AGMO: variants seen among roughly 807,000 people sequenced by gnomAD.
AGMO encodes the protein glyceryl-ether monooxygenase.
In AGMO, 75 loss-of-function variants were observed where a neutral mutation model predicts 60.2. The observed-to-expected ratio is 1.25, with a 90% CI of 1.03 to 1.51. The LOEUF is 1.51. Ranked by LOEUF, AGMO falls within the 40% of genes most tolerant of loss-of-function variation. AGMO has a pLI of 0.00. For missense variants in AGMO, 763 were observed against 525.5 expected (o/e 1.45, Z -4.42); for synonymous variants, 261 against 177.1 (o/e 1.47, Z -3.76).
At chr7:15,365,679 G>A (rs900066612) in intron 11 of AGMO, 60 bp from the exon 12 acceptor site, 11 of 1,101,746 alleles carry the variant, frequency 1.0e-5, no homozygotes, top group African/African-American at 9.8e-5. Flanking sequence ...ATGTTCACAT[G>A]TTATAATTAA....
At chr7:15,219,489 G>A (rs775561964) in intron 12 of AGMO, among the ~76,000 whole-genome samples, 1 of 150,960 alleles carries the variant, frequency 6.6e-6, no homozygotes, top group African/African-American at 2.5e-5. Flanking sequence ...AGGAAAAAAA[G>A]ACAATTTTTT....
At chr7:15,333,412 TAACAA>T (rs1380857605) in intron 12 of AGMO, among the ~76,000 whole-genome samples, 1 of 152,046 alleles carries the variant, frequency 6.6e-6, no homozygotes, top group East Asian at 1.9e-4. Flanking sequence ...ATGTGACTTT[TAACAA>T]AACAAACACC....
At chr7:15,507,959 A>AAAAG (rs1430460710) in intron 3 of AGMO, among the ~76,000 whole-genome samples, 1 of 152,044 alleles carries the variant, frequency 6.6e-6, no homozygotes, top group Non-Finnish European at 1.5e-5. Flanking sequence ...GATGACTCTC[A>AAAAG]AGTGCTCACT....
chr7:15,177,107 A>C, the AGMO span, among the ~76,000 whole-genome samples: 1 of 128,912 alleles, frequency 7.8e-6, no homozygotes, highest in Non-Finnish European at 1.9e-5. Flanking sequence ...GGGAGGAAAA[A>C]ACATGATTTA....
the AGMO span, among the ~76,000 whole-genome samples, chr7:15,161,475 A>G: frequency 6.6e-6 from 1 of 151,518 alleles, no homozygotes; most frequent in Non-Finnish European, 1.5e-5. Flanking sequence ...TACACATATA[A>G]GTATATGCTT....
chr7:15,437,546 T>C (rs1485510924), intron 3 of AGMO, among the ~76,000 whole-genome samples: 2 of 148,876 alleles, frequency 1.3e-5, no homozygotes, highest in Admixed American at 1.3e-4. Context: ...TTTTTTTTTT[T>C]TTTTTTGAGA....
intron 12 of AGMO, among the ~76,000 whole-genome samples, chr7:15,354,491 C>CGTGTGT (rs1314637523): frequency 2.9e-4 from 4 of 13,990 alleles, no homozygotes; most frequent in Non-Finnish European, 4.8e-4. Flanking sequence ...TGTATATACA[C>CGTGTGT]ACGTGTATAT....
the AGMO span, among the ~76,000 whole-genome samples, chr7:15,194,883 G>A: frequency 6.6e-6 from 1 of 152,082 alleles, no homozygotes; most frequent in Non-Finnish European, 1.5e-5. Context: ...GGCTCCGATT[G>A]TCTCAGCAGA....
chr7:15,473,240 A>G (rs1451111384), intron 3 of AGMO, among the ~76,000 whole-genome samples: 2 of 151,956 alleles, frequency 1.3e-5, no homozygotes, highest in African/African-American at 4.8e-5. Context: ...AAGTTCTGAA[A>G]TTGAGGCAGT....
chr7:15,465,340 T>C (rs937268981), intron 3 of AGMO, among the ~76,000 whole-genome samples: 1 of 150,666 alleles, frequency 6.6e-6, no homozygotes, highest in African/African-American at 2.4e-5. Context: ...TGTGTGTGCG[T>C]GTGTGTATAT....
At chr7:15,447,821 G>A (rs1479715041) in intron 3 of AGMO, among the ~76,000 whole-genome samples, 1 of 152,012 alleles carries the variant, frequency 6.6e-6, no homozygotes, top group African/African-American at 2.4e-5. Context: ...CCAAAGCACT[G>A]GAGTATAGGC....
At chr7:15,153,059 G>A in the AGMO span, among the ~76,000 whole-genome samples, 2 of 152,080 alleles carry the variant, frequency 1.3e-5, no homozygotes, top group Admixed American at 1.3e-4. Flanking sequence ...TCATGTTGTG[G>A]TTTTGATTTG....
At chr7:15,560,319 A>T (rs1468394238) in intron 1 of AGMO, 48 bp from the exon 2 acceptor site, 1 of 1,570,006 alleles carries the variant, frequency 6.4e-7, no homozygotes, top group East Asian at 2.3e-5. Context: ...TCCATATGAA[A>T]TTATTTTACA....
At chr7:15,488,815 T>A (rs1157145665) in intron 3 of AGMO, among the ~76,000 whole-genome samples, 1 of 152,160 alleles carries the variant, frequency 6.6e-6, no homozygotes, top group East Asian at 1.9e-4. Flanking sequence ...GTTTTTTTTT[T>A]ACAATTAACC....
chr7:15,366,076 CCA>C (rs1782964802), intron 11 of AGMO, 62 bp downstream of exon 11: 1 of 1,249,124 alleles, frequency 8.0e-7, no homozygotes, highest in African/African-American at 1.5e-5. Context: ...TGGTATTTTA[CCA>C]CTCTGTGGAA....
chr7:15,349,293 C>T (rs186892540), intron 12 of AGMO, among the ~76,000 whole-genome samples: 477 of 152,258 alleles, frequency 3.1e-3, no homozygotes, highest in Non-Finnish European at 5.5e-3. Flanking sequence ...GGCTCCCTAA[C>T]GATCTGAGTT....
At chr7:15,481,195 A>C (rs1782739480) in intron 3 of AGMO, among the ~76,000 whole-genome samples, 1 of 152,160 alleles carries the variant, frequency 6.6e-6, no homozygotes, top group Non-Finnish European at 1.5e-5. Context: ...AGAAAAAATA[A>C]AGCAAGAGCT....
intron 3 of AGMO, among the ~76,000 whole-genome samples, chr7:15,438,407 G>C (rs754412697): frequency 6.6e-6 from 1 of 152,052 alleles, no homozygotes; most frequent in African/African-American, 2.4e-5. Context: ...CCATTTTATA[G>C]ATGAAGAAAT....
intron 12 of AGMO, among the ~76,000 whole-genome samples, chr7:15,339,865 C>A (rs1279165327): frequency 6.6e-6 from 1 of 152,026 alleles, no homozygotes; most frequent in Non-Finnish European, 1.5e-5. Context: ...AATTTTTAGC[C>A]CTATTCTTCA....
Sources: gnomAD v4.1 joint callset for allele counts (sites outside exome capture counted in the v4.1 genomes callset) on GRCh38, gnomAD v4.1.1 for gene constraint, MANE v1.5 for transcripts, NCBI Gene and HGNC (gene_info 2026-07-23, HGNC 2026-07-21) for gene names.